MAPK8IP3: variants seen among roughly 807,000 people sequenced by gnomAD.
The protein encoded by MAPK8IP3 is mitogen-activated protein kinase 8 interacting protein 3.
A neutral mutation model predicts 157.8 loss-of-function variants in MAPK8IP3; 49 were observed. The observed-to-expected ratio is 0.31, with a 90% CI of 0.25 to 0.39. The LOEUF is 0.39. Among genes scored for constraint, MAPK8IP3 ranks in the 10% least tolerant of loss-of-function variants. The pLI, the probability that MAPK8IP3 is intolerant of heterozygous loss-of-function variation, is 1.00. For missense variants in MAPK8IP3, 1,478 were observed against 1,889.4 expected, an observed-to-expected ratio of 0.78 and a Z score of 4.04; for synonymous variants, 897 against 777.7, an observed-to-expected ratio of 1.15 and a Z score of -2.55.
In MAPK8IP3 at chr16:1,764,435, C is replaced by A. The variant is rs773762314; in HGVS notation, c.2256C>A (p.Ala752=). 1 of 1,608,224 alleles carries A rather than the reference C, an allele frequency of 6.2e-7. No homozygotes were observed. Residue 752 remains alanine (A), a synonymous_variant, in exon 19 of 32, where the codon GCC becomes GCA. Coordinates refer to ENST00000610761, the MANE Select transcript of MAPK8IP3 (RefSeq NM_001318852.2). ...DREGDGEPKS[A]HTSPEKKKAK... ...AAGGAGACGGCGAGCCCAAGAGCGCCCACACGTCTCCCGAGAAGAAGAAGG... is the reference window on the plus strand; with the variant it reads ...AAGGAGACGGCGAGCCCAAGAGCGCACACACGTCTCCCGAGAAGAAGAAGG...
chr16:1,738,121 AGCGTGACTGTCCGTGT>A (rs1311480908), intron 4 of MAPK8IP3, among the ~76,000 whole-genome samples: 5 of 64,478 alleles, frequency 7.8e-5, no homozygotes, highest in Admixed American at 4.1e-4. Context: ...CGTCCGTGTG[AGCGTGACTGTCCGTGT>A]GTGTGACCAT....
At chr16:1,766,170 C>G in intron 21 of MAPK8IP3, 28 bp downstream of exon 21, 1 of 1,601,806 alleles carries the variant, frequency 6.2e-7, no homozygotes, top group Non-Finnish European at 8.5e-7. Context: ...TTCCCCCATC[C>G]CCTCATTCCC....
chr16:1,762,304 C>G (rs1459934559), intron 13 of MAPK8IP3, 47 bp from the exon 14 acceptor site: 1 of 1,525,158 alleles, frequency 6.6e-7, no homozygotes, highest in African/African-American at 1.4e-5. Context: ...GCAGGTGTCA[C>G]CCGGCCTCCG....
In MAPK8IP3 at chr16:1,748,689, C is replaced by A. The variant is rs769496083; in HGVS notation, c.1185C>A (p.Ile395=). 6.2e-7 allele frequency: 1 copy of A among 1,614,188 alleles called. No homozygotes were observed. The highest frequency in any genetic ancestry group is 1.7e-5 in the Admixed American group (1 of 60,030). The change falls in exon 8 of 32, where the codon ATC becomes ATA. Residue 395 remains isoleucine, a synonymous_variant. Coordinates refer to ENST00000610761, the MANE Select transcript of MAPK8IP3 (RefSeq NM_001318852.2). ...TGTCGACGGCAGGGTCTGAGGTCATCGGGGATGTGGACGAAGGGGCCGACC... is the reference window on the plus strand; with the variant it reads ...TGTCGACGGCAGGGTCTGAGGTCATAGGGGATGTGGACGAAGGGGCCGACC... ...HELSTAGSEV[I]GDVDEGADLL...
At chr16:1,735,838 C>CAT (rs2039706930) in intron 4 of MAPK8IP3, among the ~76,000 whole-genome samples, 1 of 97,170 alleles carries the variant, frequency 1.0e-5, no homozygotes, top group Non-Finnish European at 2.0e-5. Context: ...CGTGTGAGAG[C>CAT]GTGACCGCCC....
intron 4 of MAPK8IP3, among the ~76,000 whole-genome samples, chr16:1,731,455 C>T (rs911614672): frequency 6.6e-6 from 1 of 152,248 alleles, no homozygotes; most frequent in African/African-American, 2.4e-5. Flanking sequence ...ATGCTCTGCC[C>T]TCCTCTTCAC....
In MAPK8IP3 at chr16:1,768,344, C is replaced by T; in HGVS notation, c.3708C>T (p.His1236=). 1 of 1,605,350 alleles carries T rather than the reference C, an allele frequency of 6.2e-7. No individual in the cohort carries two copies. Among genetic ancestry groups the T allele is most frequent in the South Asian group, 1.1e-5 (1 of 91,070 alleles). ...AGGCCCAGCTATGCTTCCATGGGCACCGCGATGCCGTGAAGTTCTTTGTCT... is the reference window on the plus strand; with the variant it reads ...AGGCCCAGCTATGCTTCCATGGGCATCGCGATGCCGTGAAGTTCTTTGTCT... ...MAQAQLCFHG[H]RDAVKFFVSV... is the part of the protein sequence containing the mutation. The change falls in exon 30 of 32, where the codon CAC becomes CAT. Residue 1236 remains histidine (H), a synonymous_variant. Transcript: ENST00000610761.
In MAPK8IP3 at chr16:1,743,398, C is replaced by A. The variant is rs755264201; in HGVS notation, c.669C>A (p.Ile223=). Residue 223 remains isoleucine, a synonymous_variant, in exon 5 of 32, where the codon ATC becomes ATA. Transcript: ENST00000610761. This position sits in a 1 kb window ranked among gnomAD's most constrained non-coding sequence, Gnocchi z 5.6. The part of the protein sequence containing the change: ...PLADGTVRAQ[I]GGKLVPAGDH... Reference sequence around the variant, plus strand: ...CTGACGGCACGGTACGTGCACAGATCGGGGGCAAGCTCGTGCCTGCGGGGG... The same window carrying A: ...CTGACGGCACGGTACGTGCACAGATAGGGGGCAAGCTCGTGCCTGCGGGGG... The A allele has an allele frequency of 6.2e-7, 1 of 1,609,712 alleles. No homozygotes were observed. Among genetic ancestry groups the A allele is most frequent in the Non-Finnish European group, 8.5e-7 (1 of 1,178,372 alleles).
chr16:1,721,280 C>G (rs1011949503), intron 1 of MAPK8IP3, among the ~76,000 whole-genome samples: 13 of 144,598 alleles, frequency 9.0e-5, no homozygotes, highest in African/African-American at 2.9e-4. Flanking sequence ...TTGCGGTGAG[C>G]TGAGATCGTG....
rs372605347 is a variant in MAPK8IP3, at chr16:1,765,770, G to T, written c.2447-190G>T. On this transcript the variant is annotated intron_variant, in intron 20 of 31. Transcript: ENST00000610761. ...GCCCAGGGGCCTACCCAACAGAGCAGGCTTGCTGGAGTCCCAGACCTCCAG... is the reference window on the plus strand; with the variant it reads ...GCCCAGGGGCCTACCCAACAGAGCATGCTTGCTGGAGTCCCAGACCTCCAG... Among the ~76,000 whole-genome samples the T allele has an allele frequency of 2.6e-5, 4 of 152,328 alleles. 1 individual carries two copies. Among genetic ancestry groups the T allele is most frequent in the African/African-American group, 2.4e-5 (1 of 41,578 alleles).
chr16:1,763,988 C>T (rs2042107493), intron 17 of MAPK8IP3, 127 bp from the exon 18 acceptor site: 2 of 1,096,422 alleles, frequency 1.8e-6, no homozygotes, highest in African/African-American at 3.2e-5. Context: ...GGCTCCCACG[C>T]CCCCACCTGC....
intron 8 of MAPK8IP3, among the ~76,000 whole-genome samples, chr16:1,752,811 A>C (rs1011136899): frequency 6.6e-5 from 10 of 151,152 alleles, no homozygotes; most frequent in Non-Finnish European, 1.3e-4. Flanking sequence ...ATGAGTGGGG[A>C]CCTCCTGCTG....
At chr16:1,727,775 GT>G (rs2038989943) in intron 2 of MAPK8IP3, among the ~76,000 whole-genome samples, 1 of 152,220 alleles carries the variant, frequency 6.6e-6, no homozygotes, top group Non-Finnish European at 1.5e-5. Flanking sequence ...TGGGTGCCTG[GT>G]AGAGATGCGA....
chr16:1,761,745 G>A (rs886132656), intron 13 of MAPK8IP3, among the ~76,000 whole-genome samples: 2 of 150,624 alleles, frequency 1.3e-5, no homozygotes, highest in Admixed American at 6.6e-5. Context: ...TCACACGCCG[G>A]GTGACCACTG....
rs1404716037 is a variant in MAPK8IP3, at chr16:1,736,459, AC to A, written c.603-6871del. On this transcript the variant is annotated intron_variant, in intron 4 of 31. Transcript: ENST00000610761. ...GTGTGACTGTCCGTGTGAGCGTGTG[AC>A]CATCCATGTGAGCATCCGTGTGACC... Among the ~76,000 whole-genome samples the A allele has an allele frequency of 5.8e-5, 2 of 34,726 alleles. 1 individual carries two copies. The allele number at this position is 34,726 out of a possible 152,430, so 22.8% of individuals were successfully genotyped here.
chr16:1,711,684 G>A (rs1012190457), intron 1 of MAPK8IP3, among the ~76,000 whole-genome samples: 15 of 152,262 alleles, frequency 9.9e-5, no homozygotes, highest in Admixed American at 7.2e-4. Context: ...GCTCACGCCC[G>A]TAATCCCAAC....
At chr16:1,763,612 C>T (rs2042078113) in intron 16 of MAPK8IP3, 45 bp from the exon 17 acceptor site, 1 of 1,471,198 alleles carries the variant, frequency 6.8e-7, no homozygotes, top group Non-Finnish European at 9.1e-7. Context: ...ACTGTGGGGG[C>T]CGCTCACCCT....
chr16:1,768,024 C>G, intron 28 of MAPK8IP3, 45 bp from the exon 29 acceptor site: 12 of 1,611,690 alleles, frequency 7.4e-6, no homozygotes, highest in Non-Finnish European at 1.0e-5. Flanking sequence ...GCTGCCCCTA[C>G]GCTGACCGCT....
intron 2 of MAPK8IP3, among the ~76,000 whole-genome samples, chr16:1,725,885 G>T (rs1199118036): frequency 5.3e-5 from 8 of 152,086 alleles, no homozygotes; most frequent in Non-Finnish European, 1.2e-4. Flanking sequence ...TTTTAGTAGA[G>T]ATGGGGTTTC....
Sources: gnomAD v4.1 joint callset for allele counts (sites outside exome capture counted in the v4.1 genomes callset) on GRCh38, gnomAD v4.1.1 for gene constraint, Gnocchi (gnomAD v3.1) non-coding constraint, MANE v1.5 for transcripts, NCBI Gene and HGNC (gene_info 2026-07-23, HGNC 2026-07-21) for gene names.